Variants in DNAJC3 observed in about 807,000 individuals in gnomAD.
DNAJC3 encodes the protein dnaJ homolog subfamily C member 3.
DNAJC3 carries 38 observed loss-of-function variants against 68.6 expected under a neutral mutation model. That is an observed-to-expected ratio of 0.55 (90% CI 0.43 to 0.73). The LOEUF is 0.73. Ranked by LOEUF, DNAJC3 falls within the 30% of genes least tolerant of loss-of-function variation. The pLI, the probability that DNAJC3 is intolerant of heterozygous loss-of-function variation, is 0.00. For missense variants in DNAJC3, 526 were observed against 591.9 expected, an observed-to-expected ratio of 0.89 and a Z score of 1.16; for synonymous variants, 203 against 204.0, an observed-to-expected ratio of 1.00 and a Z score of 0.04.
At chr13:95,690,583 C>A (rs1432014903) in intron 1 of DNAJC3, among the ~76,000 whole-genome samples, 1 of 149,042 alleles carries the variant, frequency 6.7e-6, no homozygotes, top group East Asian at 2.0e-4. Flanking sequence ...CGCCCCTCAC[C>A]TCCCGGACGG....
At chr13:95,769,008 T>TATCTA (rs1883089634) in intron 9 of DNAJC3, among the ~76,000 whole-genome samples, 2 of 101,498 alleles carry the variant, frequency 2.0e-5, no homozygotes, top group South Asian at 5.6e-4. Context: ...TCTATATCTA[T>TATCTA]ATCTATATCT....
intron 4 of DNAJC3, among the ~76,000 whole-genome samples, chr13:95,754,677 G>C (rs1018411770): frequency 3.9e-5 from 6 of 152,106 alleles, no homozygotes; most frequent in African/African-American, 1.2e-4. Context: ...ACTGAAAACA[G>C]AAAAAATTAG....
intron 1 of DNAJC3, among the ~76,000 whole-genome samples, chr13:95,705,020 C>G (rs1880692571): frequency 6.6e-6 from 1 of 151,688 alleles, no homozygotes. Context: ...TCCAGCTAAT[C>G]TCTGTATTTT....
chr13:95,742,675 C>G (rs1249448975), intron 4 of DNAJC3: 4 of 518,840 alleles, frequency 7.7e-6, no homozygotes, highest in Non-Finnish European at 1.5e-5. Flanking sequence ...AGCGTTCTCT[C>G]CTAGATGATC....
chr13:95,686,222 A>G (rs1316905865), intron 1 of DNAJC3, among the ~76,000 whole-genome samples: 1 of 151,670 alleles, frequency 6.6e-6, no homozygotes, highest in Non-Finnish European at 1.5e-5. Flanking sequence ...TGGCCTCCCA[A>G]AGTGCTGGGA....
intron 4 of DNAJC3, among the ~76,000 whole-genome samples, chr13:95,751,999 C>G (rs746958118): frequency 2.0e-5 from 3 of 152,200 alleles, no homozygotes; most frequent in Non-Finnish European, 2.9e-5. Context: ...CAGGTCCCTC[C>G]CATGACACAT....
Position 95,787,005 on chromosome 13 carries a change from A to G in DNAJC3, c.1209-2A>G. ...ATGATTATTTATTTTACCACCCCTC[A>G]GAAATGCCAAAAAGCAAGAAATTAT... On this transcript the variant is annotated splice_acceptor_variant, in intron 10 of 11. Transcript: ENST00000602402. LOFTEE classifies it high-confidence loss of function. The G allele has an allele frequency of 6.2e-7, 1 of 1,605,084 alleles. No individual in the cohort carries two copies. Among genetic ancestry groups the G allele is most frequent in the Non-Finnish European group, 8.5e-7 (1 of 1,177,722 alleles).
chr13:95,722,813 C>CCG (rs1881369380), intron 2 of DNAJC3, among the ~76,000 whole-genome samples: 1 of 12,826 alleles, frequency 7.8e-5, no homozygotes, highest in African/African-American at 3.3e-4. Flanking sequence ...GACACCTTGT[C>CCG]CGCCCCCCCC....
intron 2 of DNAJC3, among the ~76,000 whole-genome samples, chr13:95,721,235 G>C (rs1335445680): frequency 6.6e-6 from 1 of 152,106 alleles, no homozygotes; most frequent in Non-Finnish European, 1.5e-5. Flanking sequence ...ATGCCTAGGA[G>C]TTTCATTTCT....
chr13:95,710,494 G>A (rs534840329), intron 2 of DNAJC3, among the ~76,000 whole-genome samples: 1 of 152,210 alleles, frequency 6.6e-6, no homozygotes, highest in East Asian at 1.9e-4. Context: ...GCCTCCTAGA[G>A]TGTTGAGATT....
intron 4 of DNAJC3, among the ~76,000 whole-genome samples, chr13:95,728,597 T>C (rs1204672263): frequency 6.6e-6 from 1 of 152,228 alleles, no homozygotes; most frequent in African/African-American, 2.4e-5. Flanking sequence ...TTTACAAATA[T>C]TTTCCCCTCA....
intron 4 of DNAJC3, among the ~76,000 whole-genome samples, chr13:95,735,734 T>C (rs1881888967): frequency 1.3e-5 from 2 of 151,918 alleles, no homozygotes; most frequent in East Asian, 3.9e-4. Context: ...CTTTGTCAGA[T>C]GAGTAGGTTG....
At chr13:95,697,545 G>A (rs1880475256) in intron 1 of DNAJC3, among the ~76,000 whole-genome samples, 10 of 152,044 alleles carry the variant, frequency 6.6e-5, no homozygotes, top group Admixed American at 6.6e-4. Flanking sequence ...TCTAATATCT[G>A]GATGTCTGCA....
rs146635444 is a variant in DNAJC3, at chr13:95,679,715, T to C, written c.82+2378T>C. On this transcript the variant is annotated intron_variant, in intron 1 of 11. Transcript: ENST00000602402. Reference sequence around the variant, plus strand: ...AAGTAATTATGTGAGATGATAGATATATTAATCTGCTTCACTCTTATTAAT... The same window carrying C: ...AAGTAATTATGTGAGATGATAGATACATTAATCTGCTTCACTCTTATTAAT... Among the ~76,000 whole-genome samples the C allele has an allele frequency of 5.3e-5, 8 of 152,326 alleles. No homozygotes were observed. The East Asian group carries it at 1.2e-3, about 22-fold the overall frequency.
chr13:95,774,917 A>C (rs1420720748), intron 9 of DNAJC3, among the ~76,000 whole-genome samples: 4 of 152,066 alleles, frequency 2.6e-5, no homozygotes, highest in Non-Finnish European at 4.4e-5. Context: ...TGTTTCTGTC[A>C]ATTTTTATAA....
rs758463105 is a variant in DNAJC3, at chr13:95,760,699, A to T, written c.749A>T (p.Lys250Ile). Residue 250 changes from lysine to isoleucine, a missense_variant, in exon 7 of 12, where the codon AAA becomes ATA. By Grantham distance (102) the Lys-to-Ile change is moderately radical. Coordinates refer to ENST00000602402, the MANE Select transcript of DNAJC3 (RefSeq NM_006260.5). ...LSLSEVRECL[K>I]LDQDHKRCFA... is the part of the protein sequence containing the mutation. ...AACAGTGAAGTTCGGGAATGTCTTA[A>T]ACTTGACCAGGATCATAAAAGGTGT... 1 of 1,611,286 alleles carries T rather than the reference A, an allele frequency of 6.2e-7. No individual in the cohort carries two copies. The highest frequency in any genetic ancestry group is 1.7e-5 in the Admixed American group (1 of 59,482).
At chr13:95,723,191 A>G in intron 2 of DNAJC3, 51 bp from the exon 3 acceptor site, 1 of 1,514,828 alleles carries the variant, frequency 6.6e-7, no homozygotes, top group Non-Finnish European at 8.9e-7. Context: ...TTTTTTTTAA[A>G]TTTTTATTTT....
intron 1 of DNAJC3, among the ~76,000 whole-genome samples, chr13:95,679,434 T>C (rs1243547700): frequency 1.3e-5 from 2 of 152,120 alleles, no homozygotes; most frequent in Non-Finnish European, 2.9e-5. Context: ...TAATAAATTA[T>C]ATAGAGGAGT....
intron 4 of DNAJC3, among the ~76,000 whole-genome samples, chr13:95,734,864 A>G (rs1322518298): frequency 2.8e-5 from 4 of 142,496 alleles, no homozygotes; most frequent in African/African-American, 1.1e-4. Context: ...ACATGTGCAC[A>G]TTGTGCAGGT....
Sources: gnomAD v4.1 joint callset for allele counts (sites outside exome capture counted in the v4.1 genomes callset) on GRCh38, gnomAD v4.1.1 for gene constraint, MANE v1.5 for transcripts, NCBI Gene and HGNC (gene_info 2026-07-23, HGNC 2026-07-21) for gene names.